The following ELOVL6 variants were observed in gnomAD, a reference collection of about 807,000 sequenced individuals.
ELOVL6 encodes very long chain fatty acid elongase 6.
Under a neutral mutation model 31.7 loss-of-function variants are expected in ELOVL6, and 8 were observed. That is an observed-to-expected ratio of 0.25 (90% CI 0.15 to 0.45). ELOVL6 has a LOEUF of 0.45. Among genes scored for constraint, ELOVL6 ranks in the 20% least tolerant of loss-of-function variants. The pLI is 1.00. For synonymous variants in ELOVL6, 101 were observed against 117.7 expected (o/e 0.86, Z 0.92); for missense variants, 126 against 326.4 (o/e 0.39, Z 4.73).
At chr4:110,069,131 AAAT>A (rs58966120) in intron 2 of ELOVL6, among the ~76,000 whole-genome samples, 2,745 of 133,644 alleles carry the variant, frequency 0.021, 57 homozygotes, top group African/African-American at 0.052. Context: ...CTCTGTCTCC[AAAT>A]AATAATAATA....
intron 1 of ELOVL6, among the ~76,000 whole-genome samples, chr4:110,174,655 G>T (rs968179225): frequency 6.6e-6 from 1 of 152,042 alleles, no homozygotes; most frequent in Admixed American, 6.6e-5. Context: ...GTCAACACAC[G>T]TTCACTAAAA....
At chr4:110,143,221 C>A (rs1758012535) in intron 1 of ELOVL6, among the ~76,000 whole-genome samples, 1 of 151,698 alleles carries the variant, frequency 6.6e-6, no homozygotes, top group Non-Finnish European at 1.5e-5. Flanking sequence ...TCAAGATCAG[C>A]TCAAATAAAT....
At chr4:110,158,657 A>ATATTTT in intron 1 of ELOVL6, among the ~76,000 whole-genome samples, 19 of 74,154 alleles carry the variant, frequency 2.6e-4, no homozygotes, top group African/African-American at 1.4e-3. Flanking sequence ...ATATATATAT[A>ATATTTT]TTTTTTTTTT....
At chr4:110,119,915 G>C (rs932213807) in intron 1 of ELOVL6, among the ~76,000 whole-genome samples, 2 of 152,192 alleles carry the variant, frequency 1.3e-5, no homozygotes. Flanking sequence ...ATTGCTGCAT[G>C]TGACTATGGT....
At chr4:110,163,962 T>A (rs80264169) in intron 1 of ELOVL6, among the ~76,000 whole-genome samples, 4 of 152,134 alleles carry the variant, frequency 2.6e-5, no homozygotes, top group African/African-American at 9.7e-5. Flanking sequence ...GGTTGTGACA[T>A]GACATTTCTG....
At chr4:110,169,764 T>C (rs1203097183) in intron 1 of ELOVL6, among the ~76,000 whole-genome samples, 1 of 151,858 alleles carries the variant, frequency 6.6e-6, no homozygotes, top group Non-Finnish European at 1.5e-5. Flanking sequence ...TTTATGAATT[T>C]ATGCTTATAT....
intron 1 of ELOVL6, among the ~76,000 whole-genome samples, chr4:110,179,289 G>A (rs1288058414): frequency 6.6e-6 from 1 of 152,118 alleles, no homozygotes; most frequent in Non-Finnish European, 1.5e-5. Context: ...TGGATCACCT[G>A]AGGTCAGGAG....
intron 1 of ELOVL6, among the ~76,000 whole-genome samples, chr4:110,133,463 A>G (rs182186372): frequency 6.6e-6 from 1 of 152,324 alleles, no homozygotes; most frequent in Admixed American, 6.5e-5. Flanking sequence ...GCTGTGAACT[A>G]TGGCTTACTT....
intron 2 of ELOVL6, among the ~76,000 whole-genome samples, chr4:110,100,887 A>G (rs1288619623): frequency 2.6e-5 from 4 of 152,240 alleles, no homozygotes; most frequent in Admixed American, 2.6e-4. Flanking sequence ...TTTTGTCATT[A>G]GACAATAGTT....
intron 1 of ELOVL6, among the ~76,000 whole-genome samples, chr4:110,176,392 CTT>C (rs1427035077): frequency 3.3e-5 from 5 of 152,094 alleles, no homozygotes; most frequent in African/African-American, 1.2e-4. Flanking sequence ...AAACTCCTGA[CTT>C]TGTGATCTGC....
chr4:110,178,664 G>A (rs969335038), intron 1 of ELOVL6, among the ~76,000 whole-genome samples: 17 of 152,006 alleles, frequency 1.1e-4, no homozygotes, highest in African/African-American at 3.9e-4. Context: ...GAGCAACCTG[G>A]GCAACATAGT....
At chr4:110,182,418 T>C (rs962195856) in intron 1 of ELOVL6, among the ~76,000 whole-genome samples, 3 of 152,188 alleles carry the variant, frequency 2.0e-5, no homozygotes, top group Non-Finnish European at 4.4e-5. Context: ...CTAATTTTAA[T>C]GTTTATTTTT....
intron 1 of ELOVL6, chr4:110,118,167 A>G (rs1757243352): frequency 6.6e-6 from 1 of 150,804 alleles, no homozygotes; most frequent in Admixed American, 6.6e-5. Flanking sequence ...CATTTTGGCC[A>G]GGCTGATCTC....
intron 2 of ELOVL6, among the ~76,000 whole-genome samples, chr4:110,084,401 G>GAC (rs1756125248): frequency 2.3e-4 from 4 of 17,518 alleles, no homozygotes; most frequent in East Asian, 1.4e-3. Context: ...TATGATATAT[G>GAC]ATATATGACA....
chr4:110,072,456 CAGAG>C (rs1203461049), intron 2 of ELOVL6, among the ~76,000 whole-genome samples: 1 of 152,142 alleles, frequency 6.6e-6, no homozygotes, highest in Non-Finnish European at 1.5e-5. Flanking sequence ...AGCCTGGTGA[CAGAG>C]AGAGACTCCG....
chr4:110,123,194 G>A (rs1001463883), intron 1 of ELOVL6, among the ~76,000 whole-genome samples: 1 of 152,130 alleles, frequency 6.6e-6, no homozygotes, highest in African/African-American at 2.4e-5. Context: ...AGACTAAATA[G>A]AATAACTGAT....
At chr4:110,132,478 G>A (rs1372567381) in intron 1 of ELOVL6, among the ~76,000 whole-genome samples, 1 of 152,030 alleles carries the variant, frequency 6.6e-6, no homozygotes, top group Admixed American at 6.6e-5. Context: ...AAAAGAGAGG[G>A]TAAGGGATGA....
intron 2 of ELOVL6, among the ~76,000 whole-genome samples, chr4:110,095,240 G>A (rs1756547197): frequency 1.3e-5 from 2 of 152,196 alleles, no homozygotes; most frequent in African/African-American, 4.8e-5. Context: ...CCAGCACTTT[G>A]GGAGATTGAG....
chr4:110,082,000 T>G, intron 2 of ELOVL6, among the ~76,000 whole-genome samples: 1 of 150,578 alleles, frequency 6.6e-6, no homozygotes, highest in Non-Finnish European at 1.5e-5. Context: ...AAAATGCTCA[T>G]CATCACTGGC....
Sources: gnomAD v4.1 joint callset for allele counts (sites outside exome capture counted in the v4.1 genomes callset) on GRCh38, gnomAD v4.1.1 for gene constraint, MANE v1.5 for transcripts, NCBI Gene and HGNC (gene_info 2026-07-23, HGNC 2026-07-21) for gene names.